The following OXR1 variants were observed in gnomAD, a reference collection of about 807,000 sequenced individuals.
OXR1 encodes oxidation resistance protein 1.
Under a neutral mutation model 104.6 loss-of-function variants are expected in OXR1, and 41 were observed. The observed-to-expected ratio is 0.39, with a 90% CI of 0.31 to 0.51. The LOEUF (loss-of-function observed/expected upper bound fraction) is 0.51, where lower values mean the gene tolerates loss of function less well. OXR1 is among the 20% of genes least tolerant of loss of function. OXR1 has a pLI of 0.77. For missense variants in OXR1, 955 were observed against 1,031.9 expected (o/e 0.93, Z 1.02); for synonymous variants, 348 against 348.4 (o/e 1.00, Z 0.01).
chr8:106,676,314 G>A (rs1411367202), intron 3 of OXR1, among the ~76,000 whole-genome samples: 2 of 151,978 alleles, frequency 1.3e-5, no homozygotes. Context: ...TACATTTAAG[G>A]TTAGTATTGT....
intron 3 of OXR1, among the ~76,000 whole-genome samples, chr8:106,637,735 A>G (rs1823262944): frequency 6.7e-6 from 1 of 150,306 alleles, no homozygotes; most frequent in African/African-American, 2.5e-5. Context: ...CCCTAAGAGT[A>G]TACTCTAGAC....
chr8:106,279,997 G>T (rs1812211935), intron 1 of OXR1, among the ~76,000 whole-genome samples: 1 of 151,882 alleles, frequency 6.6e-6, no homozygotes, highest in African/African-American at 2.4e-5. Context: ...AAAGGACAGA[G>T]AGAGAGAGAG....
chr8:106,512,959 A>G (rs959194778), intron 2 of OXR1, among the ~76,000 whole-genome samples: 6 of 152,208 alleles, frequency 3.9e-5, no homozygotes, highest in African/African-American at 1.4e-4. Flanking sequence ...ATAAAGCCAC[A>G]TTCAGTCACT....
intron 3 of OXR1, among the ~76,000 whole-genome samples, chr8:106,671,415 C>T (rs887641051): frequency 1.3e-5 from 2 of 152,064 alleles, no homozygotes; most frequent in African/African-American, 2.4e-5. Context: ...ATGTATTCAG[C>T]GTGTAAAACT....
intron 1 of OXR1, among the ~76,000 whole-genome samples, chr8:106,312,481 A>G (rs1447770280): frequency 6.6e-6 from 1 of 152,178 alleles, no homozygotes. Flanking sequence ...GCATACTATT[A>G]ATTACAGAGA....
chr8:106,709,841 T>C (rs1449356355), intron 9 of OXR1, among the ~76,000 whole-genome samples: 2 of 152,140 alleles, frequency 1.3e-5, no homozygotes, highest in African/African-American at 2.4e-5. Flanking sequence ...AGTCCAATTA[T>C]GAGAAGAATG....
chr8:106,724,104 A>G (rs1833105894), intron 11 of OXR1, among the ~76,000 whole-genome samples: 2 of 152,202 alleles, frequency 1.3e-5, no homozygotes, highest in African/African-American at 4.8e-5. Flanking sequence ...TGAGTAGGGT[A>G]AATTATATAT....
Position 106,713,950 on chromosome 8 carries a change from G to T in OXR1, c.1921G>T (p.Asp641Tyr). The T allele has an allele frequency of 6.3e-7, 1 of 1,585,544 alleles. No homozygotes were observed. The highest frequency in any genetic ancestry group is 8.5e-7 in the Non-Finnish European group (1 of 1,171,692). Reference protein sequence around the residue: ...KKIEESETIEDSSNQAAAREW... With the variant: ...KKIEESETIEYSSNQAAAREW... ...GATTGAGGAGTCTGAAACAATTGAG[G>T]ATTCTAGTAATCAAGCAGCAGCCAG... Residue 641 changes from aspartate (D) to tyrosine (Y), a missense_variant, in exon 11 of 17, where the codon GAT becomes TAT. Transcript: ENST00000517566.
At chr8:106,307,341 C>T (rs755387782) in intron 1 of OXR1, among the ~76,000 whole-genome samples, 1 of 152,126 alleles carries the variant, frequency 6.6e-6, no homozygotes, top group Non-Finnish European at 1.5e-5. Flanking sequence ...GGATAACATT[C>T]GAAAGCTTCA....
chr8:106,484,603 TA>T (rs1822336205), intron 2 of OXR1, among the ~76,000 whole-genome samples: 1 of 151,744 alleles, frequency 6.6e-6, no homozygotes, highest in African/African-American at 2.4e-5. Flanking sequence ...AAATGCAAAT[TA>T]AAATAATACT....
intron 2 of OXR1, among the ~76,000 whole-genome samples, chr8:106,387,486 GA>G (rs2130433034): frequency 6.6e-6 from 1 of 152,292 alleles, no homozygotes; most frequent in African/African-American, 2.4e-5. Flanking sequence ...ATTCTTTTGA[GA>G]TTGTTGGGTG....
chr8:106,541,414 C>T (rs964093280), intron 3 of OXR1, among the ~76,000 whole-genome samples: 3 of 152,178 alleles, frequency 2.0e-5, no homozygotes, highest in Admixed American at 2.0e-4. Flanking sequence ...CAAGCATAAA[C>T]TCATGCTATA....
intron 1 of OXR1, among the ~76,000 whole-genome samples, chr8:106,276,373 A>G (rs541398877): frequency 6.6e-6 from 1 of 152,312 alleles, no homozygotes; most frequent in African/African-American, 2.4e-5. Flanking sequence ...TTTGGAAAAG[A>G]CTGACTGATG....
intron 2 of OXR1, among the ~76,000 whole-genome samples, chr8:106,386,399 G>A (rs1426921652): frequency 6.6e-6 from 1 of 152,148 alleles, no homozygotes; most frequent in African/African-American, 2.4e-5. Flanking sequence ...GCTTAAGCAA[G>A]TTTTTCTATA....
chr8:106,410,275 C>T (rs947727098), intron 2 of OXR1, among the ~76,000 whole-genome samples: 1 of 152,088 alleles, frequency 6.6e-6, no homozygotes, highest in Non-Finnish European at 1.5e-5. Context: ...TAAAGAGATT[C>T]TTTTGTTGCC....
intron 3 of OXR1, among the ~76,000 whole-genome samples, chr8:106,598,495 G>A (rs963891857): frequency 2.0e-5 from 3 of 152,124 alleles, no homozygotes; most frequent in Non-Finnish European, 2.9e-5. Flanking sequence ...ACAGTTCTGC[G>A]ATTGTCCTCC....
At chr8:106,463,903 G>A (rs1821040783) in intron 2 of OXR1, among the ~76,000 whole-genome samples, 1 of 152,056 alleles carries the variant, frequency 6.6e-6, no homozygotes, top group Non-Finnish European at 1.5e-5. Flanking sequence ...ACTTATCTGT[G>A]TAGCACAGAG....
At chr8:106,351,672 A>G (rs1396128481) in intron 1 of OXR1, among the ~76,000 whole-genome samples, 1 of 152,162 alleles carries the variant, frequency 6.6e-6, no homozygotes, top group Admixed American at 6.5e-5. Flanking sequence ...AGTCTTGTGA[A>G]CCATCTCAGG....
chr8:106,545,064 T>G (rs369763101), intron 3 of OXR1, among the ~76,000 whole-genome samples: 1 of 152,166 alleles, frequency 6.6e-6, no homozygotes, highest in East Asian at 1.9e-4. Context: ...TACAGGCTGT[T>G]TAACAGTATC....
Sources: gnomAD v4.1 joint callset for allele counts (sites outside exome capture counted in the v4.1 genomes callset) on GRCh38, gnomAD v4.1.1 for gene constraint, MANE v1.5 for transcripts, NCBI Gene and HGNC (gene_info 2026-07-23, HGNC 2026-07-21) for gene names.